The following WDR7 variants were observed in gnomAD, a reference collection of about 807,000 sequenced individuals.
The protein encoded by WDR7 is WD repeat-containing protein 7.
Under a neutral mutation model 169.4 loss-of-function variants are expected in WDR7, and 46 were observed. The observed-to-expected ratio is 0.27, with a 90% CI of 0.21 to 0.35. WDR7 has a LOEUF of 0.35. Ranked by LOEUF, WDR7 falls within the 10% of genes least tolerant of loss-of-function variation. The pLI is 1.00. For synonymous variants in WDR7, 612 were observed against 666.8 expected (o/e 0.92, Z 1.27); for missense variants, 1,534 against 1,859.3 (o/e 0.83, Z 3.22).
chr18:56,837,785 C>G (rs1568223990), intron 20 of WDR7, among the ~76,000 whole-genome samples: 1 of 152,086 alleles, frequency 6.6e-6, no homozygotes. Flanking sequence ...CTCAGCCTCC[C>G]AAGTAGCTGG....
rs536194051 is a variant in WDR7, at chr18:56,816,852, G to A, written c.3304+708G>A. ...AGAATAATAAGCTTTTGTTTTGGGTGTGGGTGGTTAAAATTTAAAATTTGA... is the reference window on the plus strand; with the variant it reads ...AGAATAATAAGCTTTTGTTTTGGGTATGGGTGGTTAAAATTTAAAATTTGA... On this transcript the variant is annotated intron_variant, in intron 20 of 27. Coordinates refer to ENST00000254442, the MANE Select transcript of WDR7 (RefSeq NM_015285.3). Among the ~76,000 whole-genome samples the A allele has an allele frequency of 2.6e-5, 4 of 152,284 alleles. No individual in the cohort carries two copies. In the South Asian group the frequency reaches 8.3e-4, roughly 32 times the overall value.
At chr18:56,983,628 A>G in intron 26 of WDR7, among the ~76,000 whole-genome samples, 1 of 152,154 alleles carries the variant, frequency 6.6e-6, no homozygotes, top group Non-Finnish European at 1.5e-5. Flanking sequence ...CCTAACAGTA[A>G]AACATAACCA....
In WDR7 at chr18:56,923,935, G is replaced by T. The variant is rs375949192; in HGVS notation, c.3540G>T (p.Thr1180=). ...CTATAATTTCAGGCAAGGCACTGAC[G>T]TTTCTTCTGCTACAGCCTCCAAGCC... ...SLARHTCKAL[T]FLLLQPPSPK... Residue 1180 remains threonine (T), a synonymous_variant, in exon 22 of 28, where the codon ACG becomes ACT. Transcript: ENST00000254442. 7 of 1,558,072 alleles carry T rather than the reference G, an allele frequency of 4.5e-6. No homozygotes were observed. The highest frequency in any genetic ancestry group is 6.0e-6 in the Non-Finnish European group (7 of 1,157,472).
At chr18:56,993,981 CTTTA>C (rs972205725) in intron 26 of WDR7, among the ~76,000 whole-genome samples, 7 of 148,612 alleles carry the variant, frequency 4.7e-5, no homozygotes, top group Non-Finnish European at 1.0e-4. Context: ...ATCTGTTACT[CTTTA>C]TTTATTTTTT....
chr18:56,870,653 CAATT>C (rs1216809958), intron 20 of WDR7, among the ~76,000 whole-genome samples: 6 of 152,198 alleles, frequency 3.9e-5, no homozygotes, highest in Admixed American at 6.5e-5. Context: ...CCAGGTGTAT[CAATT>C]AATTAATTAA....
intron 19 of WDR7, among the ~76,000 whole-genome samples, chr18:56,811,114 G>A (rs1313246463): frequency 6.6e-6 from 1 of 152,098 alleles, no homozygotes; most frequent in Non-Finnish European, 1.5e-5. Flanking sequence ...AGCATGTATT[G>A]GAACTTCATT....
intron 9 of WDR7, among the ~76,000 whole-genome samples, chr18:56,693,837 G>T (rs1374612873): frequency 2.0e-5 from 3 of 151,946 alleles, no homozygotes; most frequent in Non-Finnish European, 2.9e-5. Context: ...CTCCCAAAGT[G>T]CTGGCATTAC....
At position 56,997,773 on chromosome 18, in the gene WDR7, C is replaced by G. The variant is rs1202722460; in HGVS notation, c.4165-22972C>G. Among the ~76,000 whole-genome samples the G allele has an allele frequency of 3.3e-5, 5 of 152,162 alleles. 1 individual carries two copies. The South Asian group carries it at 1.0e-3, about 32-fold the overall frequency. On this transcript the variant is annotated intron_variant, in intron 26 of 27. Transcript: ENST00000254442. ...ATTACTTAGAGTATAAACAGATGAG[C>G]AAATAGCGGCCTATAACAGTGGGAT...
At position 56,923,905 on chromosome 18, in the gene WDR7, T is replaced by G. The variant is rs779035810; in HGVS notation, c.3527-17T>G. On this transcript the variant is annotated splice_polypyrimidine_tract_variant and intron_variant, in intron 21 of 27. Transcript: ENST00000254442. ...TAAAATTCCCCTTTTGCTCTGCATTTTATTCTATAATTTCAGGCAAGGCAC... is the reference window on the plus strand; with the variant it reads ...TAAAATTCCCCTTTTGCTCTGCATTGTATTCTATAATTTCAGGCAAGGCAC... 1 of 1,519,052 alleles carries G rather than the reference T, an allele frequency of 6.6e-7. No homozygotes were observed. The highest frequency in any genetic ancestry group is 8.8e-7 in the Non-Finnish European group (1 of 1,137,592). The allele number at this position is 1,519,052 out of a possible 1,614,324, so 94.1% of individuals were successfully genotyped here.
intron 23 of WDR7, among the ~76,000 whole-genome samples, chr18:56,937,741 T>A (rs534963791): frequency 6.6e-6 from 1 of 152,310 alleles, no homozygotes; most frequent in African/African-American, 2.4e-5. Flanking sequence ...TATTTGCAGT[T>A]GATCCTCAAA....
At chr18:56,943,909 T>C (rs2047065036) in intron 25 of WDR7, among the ~76,000 whole-genome samples, 1 of 151,788 alleles carries the variant, frequency 6.6e-6, no homozygotes, top group Non-Finnish European at 1.5e-5. Context: ...TTGGGTTTTT[T>C]GGTTTTATTT....
intron 21 of WDR7, among the ~76,000 whole-genome samples, chr18:56,881,055 C>T (rs553979276): frequency 6.6e-6 from 1 of 152,266 alleles, no homozygotes; most frequent in East Asian, 1.9e-4. Context: ...GAAAAAGATG[C>T]ATGTTACTTT....
intron 14 of WDR7, among the ~76,000 whole-genome samples, chr18:56,736,544 A>T (rs775515887): frequency 9.3e-5 from 14 of 151,208 alleles, no homozygotes; most frequent in Non-Finnish European, 1.6e-4. Flanking sequence ...AAGCAGAGAA[A>T]GAGAAATCAT....
chr18:56,929,629 A>T (rs1399984072), intron 22 of WDR7, among the ~76,000 whole-genome samples: 1 of 152,194 alleles, frequency 6.6e-6, no homozygotes, highest in Admixed American at 6.5e-5. Flanking sequence ...CAGCTCCTGT[A>T]CCATACGGCT....
chr18:56,670,816 C>G (rs2025118859), intron 1 of WDR7, among the ~76,000 whole-genome samples: 1 of 152,114 alleles, frequency 6.6e-6, no homozygotes, highest in South Asian at 2.1e-4. Flanking sequence ...TGGCCATCGC[C>G]TCATTTTGTC....
At chr18:56,983,596 G>A (rs4801068) in intron 26 of WDR7, among the ~76,000 whole-genome samples, 6,655 of 149,822 alleles carry the variant, frequency 0.044, 264 homozygotes, top group East Asian at 0.11. Context: ...GAGAGAGAGA[G>A]AAATAAACTC....
intron 21 of WDR7, among the ~76,000 whole-genome samples, chr18:56,910,480 A>G (rs1436080313): frequency 6.6e-6 from 1 of 152,182 alleles, no homozygotes; most frequent in East Asian, 1.9e-4. Context: ...AGTTTTAGTC[A>G]TATGATATGG....
intron 19 of WDR7, among the ~76,000 whole-genome samples, chr18:56,794,541 C>G (rs2044550641): frequency 6.6e-6 from 1 of 151,858 alleles, no homozygotes; most frequent in East Asian, 1.9e-4. Context: ...GATCTCCTGA[C>G]CTTGTGATCT....
Position 56,910,236 on chromosome 18 carries a change from TAAAC to T in WDR7, c.3527-13683_3527-13680del, listed in dbSNP as rs564335287. On this transcript the variant is annotated intron_variant, in intron 21 of 27. Transcript: ENST00000254442. ...GACATGTTTGTTTAAGCTCAAAAGA[TAAAC>T]AAGTTCCCAAGGGAAAATAAATATT... 1.4e-3 allele frequency among the ~76,000 whole-genome samples: 209 copies of T among 152,318 alleles called. 1 individual carries two copies. Among genetic ancestry groups the T allele is most frequent in the African/African-American group, 4.9e-3 (205 of 41,590 alleles).
Sources: gnomAD v4.1 joint callset for allele counts (sites outside exome capture counted in the v4.1 genomes callset) on GRCh38, gnomAD v4.1.1 for gene constraint, MANE v1.5 for transcripts, NCBI Gene and HGNC (gene_info 2026-07-23, HGNC 2026-07-21) for gene names.